The following RBM6 variants were observed in gnomAD, a reference collection of about 807,000 sequenced individuals.
The protein encoded by RBM6 is RNA-binding protein 6.
A neutral mutation model predicts 140.4 loss-of-function variants in RBM6; 23 were observed. That is an observed-to-expected ratio of 0.16 (90% CI 0.12 to 0.23). The LOEUF (loss-of-function observed/expected upper bound fraction) is 0.23, where lower values mean the gene tolerates loss of function less well. RBM6 is among the 10% of genes least tolerant of loss of function. RBM6 has a pLI of 1.00. For synonymous variants in RBM6, 439 were observed against 475.6 expected (o/e 0.92, Z 1.00); for missense variants, 1,139 against 1,386.7 (o/e 0.82, Z 2.84).
chr3:49,952,482 A>T (rs369717304), intron 1 of RBM6, among the ~76,000 whole-genome samples: 1 of 150,280 alleles, frequency 6.7e-6, no homozygotes, highest in South Asian at 2.1e-4. Context: ...CTATATTTTA[A>T]ATTAGGTTAC....
chr3:49,948,527 A>G (rs1334064477), intron 1 of RBM6, among the ~76,000 whole-genome samples: 1 of 151,834 alleles, frequency 6.6e-6, no homozygotes, highest in African/African-American at 2.4e-5. Context: ...ATCCTGGCCA[A>G]TGTCATGAAA....
chr3:49,945,699 G>T (rs1472885505), intron 1 of RBM6, among the ~76,000 whole-genome samples: 1 of 151,568 alleles, frequency 6.6e-6, no homozygotes, highest in Non-Finnish European at 1.5e-5. Context: ...TGGCCAACAC[G>T]GTGAAACCCC....
At chr3:49,988,966 C>G (rs879372222) in intron 5 of RBM6, among the ~76,000 whole-genome samples, 4 of 151,582 alleles carry the variant, frequency 2.6e-5, no homozygotes, top group Admixed American at 1.3e-4. Context: ...AAAAAAAAAT[C>G]TCCTTGTCCA....
chr3:50,047,299 A>G, intron 6 of RBM6: 1 of 985,414 alleles, frequency 1.0e-6, no homozygotes, highest in Non-Finnish European at 1.2e-6. Flanking sequence ...AACACAGCGC[A>G]GGGGCTAGTT....
chr3:50,017,321 G>A (rs2087216870), intron 6 of RBM6, among the ~76,000 whole-genome samples: 1 of 152,122 alleles, frequency 6.6e-6, no homozygotes, highest in Non-Finnish European at 1.5e-5. Flanking sequence ...ACTTTGGGAG[G>A]CCGAGGCGGG....
In RBM6 at chr3:50,002,149, G is replaced by GT. The variant is rs199562810; in HGVS notation, c.1557+2637dup. On this transcript the variant is annotated intron_variant, in intron 6 of 20. Coordinates refer to ENST00000266022, the MANE Select transcript of RBM6 (RefSeq NM_005777.3). The stretch of plus-strand genomic sequence containing the variant: ...TCCAGCCAGGCTGGAGTGCAGTGGC[G>GT]TAATCTTGGCTCACTGCAACCTCCG... Among the ~76,000 whole-genome samples the GT allele has an allele frequency of 2.4e-3, 371 of 151,870 alleles. 1 individual carries two copies. The highest frequency in any genetic ancestry group is 8.5e-3 in the African/African-American group (350 of 41,380).
intron 5 of RBM6, among the ~76,000 whole-genome samples, chr3:49,994,627 C>T (rs1575637818): frequency 6.6e-6 from 1 of 151,010 alleles, no homozygotes; most frequent in East Asian, 1.9e-4. Context: ...ATGCTTTGTT[C>T]TCACAAAAAT....
intron 1 of RBM6, among the ~76,000 whole-genome samples, chr3:49,961,083 A>G (rs1340430052): frequency 2.6e-5 from 4 of 151,662 alleles, no homozygotes; most frequent in African/African-American, 7.3e-5. Context: ...TAATTTTTGT[A>G]TATATATTTT....
At chr3:49,945,933 C>T (rs1004255384) in intron 1 of RBM6, among the ~76,000 whole-genome samples, 11 of 149,528 alleles carry the variant, frequency 7.4e-5, no homozygotes, top group African/African-American at 2.7e-4. Flanking sequence ...GACCTTAATC[C>T]AGCAGGACTG....
intron 6 of RBM6, among the ~76,000 whole-genome samples, chr3:50,006,144 C>G (rs1334928519): frequency 5.3e-5 from 6 of 112,834 alleles, no homozygotes; most frequent in African/African-American, 2.0e-4. Context: ...CTGATTGAGA[C>G]TTTTTTTTTT....
chr3:49,991,362 T>C (rs1305104033), intron 5 of RBM6, among the ~76,000 whole-genome samples: 2 of 152,156 alleles, frequency 1.3e-5, no homozygotes, highest in South Asian at 2.1e-4. Context: ...ATTAAATCAT[T>C]GACAGTGGGT....
At chr3:49,947,759 T>G (rs1168169251) in intron 1 of RBM6, among the ~76,000 whole-genome samples, 1 of 152,222 alleles carries the variant, frequency 6.6e-6, no homozygotes, top group Non-Finnish European at 1.5e-5. Context: ...TTTTGTTGTG[T>G]AAGAGTCCCA....
intron 14 of RBM6, 124 bp from the exon 15 acceptor site, chr3:50,061,838 T>C (rs2089954632): frequency 3.0e-6 from 4 of 1,341,060 alleles, no homozygotes; most frequent in South Asian, 1.6e-5. Flanking sequence ...TGATGTGGAC[T>C]CTTCTTAGAC....
intron 6 of RBM6, among the ~76,000 whole-genome samples, chr3:50,027,484 A>C (rs2087907503): frequency 6.6e-6 from 1 of 151,760 alleles, no homozygotes; most frequent in East Asian, 1.9e-4. Flanking sequence ...ATTAAGAGTC[A>C]CTCTCCATTT....
chr3:50,075,939 C>T (rs1250119880), intron 20 of RBM6, among the ~76,000 whole-genome samples: 2 of 151,732 alleles, frequency 1.3e-5, no homozygotes, highest in African/African-American at 4.8e-5. Context: ...CTTAATTCAT[C>T]TTGGGTATTT....
intron 7 of RBM6, among the ~76,000 whole-genome samples, chr3:50,050,459 G>A (rs2108886417): frequency 6.6e-6 from 1 of 152,194 alleles, no homozygotes; most frequent in South Asian, 2.1e-4. Context: ...TCAATTGATG[G>A]ACATTTGGGT....
chr3:50,068,680 C>T lies in RBM6; in HGVS notation c.2944-10C>T, dbSNP rs774716084. The T allele has an allele frequency of 3.1e-6, 5 of 1,613,694 alleles. No individual in the cohort carries two copies. The highest frequency in any genetic ancestry group is 4.2e-6 in the Non-Finnish European group (5 of 1,179,602). ...TAGACCTATACTCATAGAATTGCCT[C>T]TCTTCTCAGCAAAACCTGGAAATCC... On this transcript the variant is annotated splice_polypyrimidine_tract_variant and intron_variant, in intron 17 of 20. Coordinates refer to ENST00000266022, the MANE Select transcript of RBM6 (RefSeq NM_005777.3).
intron 10 of RBM6, 151 bp from the exon 11 acceptor site, chr3:50,059,498 T>C (rs2089851607): frequency 1.7e-6 from 1 of 584,624 alleles, no homozygotes; most frequent in Non-Finnish European, 2.9e-6. Flanking sequence ...GCCAGTATGC[T>C]CTTACTGTTA....
At chr3:49,990,034 A>G (rs1245425072) in intron 5 of RBM6, among the ~76,000 whole-genome samples, 2 of 152,242 alleles carry the variant, frequency 1.3e-5, no homozygotes, top group African/African-American at 4.8e-5. Context: ...GTTGTGAGCC[A>G]CTGCACCTGG....
Sources: gnomAD v4.1 joint callset for allele counts (sites outside exome capture counted in the v4.1 genomes callset) on GRCh38, gnomAD v4.1.1 for gene constraint, MANE v1.5 for transcripts, NCBI Gene and HGNC (gene_info 2026-07-23, HGNC 2026-07-21) for gene names.